The following EBF1 variants were observed in gnomAD, a reference collection of about 807,000 sequenced individuals.
EBF1 encodes EBF transcription factor 1.
Under a neutral mutation model 68.4 loss-of-function variants are expected in EBF1, and 10 were observed. That is an observed-to-expected ratio of 0.15 (90% CI 0.09 to 0.25). The LOEUF (loss-of-function observed/expected upper bound fraction) is 0.25. EBF1 is among the 10% of genes least tolerant of loss of function. The pLI is 1.00. For missense variants in EBF1, 509 were observed against 794.4 expected (o/e 0.64, Z 4.32); for synonymous variants, 298 against 299.8 (o/e 0.99, Z 0.06).
In EBF1 at chr5:158,698,593, A is replaced by C. The variant is rs1279529155; in HGVS notation, c.*518T>G. ...CTTTAAGGCGCAAAAGCCGACCCTT[A>C]GTTTTTCTAAAAAATCTAACTGGCA... On this transcript the variant is annotated 3_prime_UTR_variant, in exon 16 of 16. Coordinates refer to ENST00000313708, the MANE Select transcript of EBF1 (RefSeq NM_024007.5). 1 of 211,752 alleles carries C rather than the reference A, an allele frequency of 4.7e-6. No homozygotes were observed. Among genetic ancestry groups the C allele is most frequent in the Non-Finnish European group, 9.5e-6 (1 of 105,522 alleles). 13.1% of individuals were successfully genotyped at this position (211,752 alleles called of 1,614,324 possible).
At chr5:158,947,723 G>A (rs1205728946) in intron 6 of EBF1, among the ~76,000 whole-genome samples, 1 of 152,182 alleles carries the variant, frequency 6.6e-6, no homozygotes, top group Non-Finnish European at 1.5e-5. Context: ...GAACACAGAG[G>A]GATAGCAGCC....
chr5:158,983,452 T>C (rs1758316959), intron 6 of EBF1: 1 of 152,184 alleles, frequency 6.6e-6, no homozygotes, highest in South Asian at 2.1e-4. Flanking sequence ...TGGTGGAATG[T>C]TGTCTAGAGT....
intron 6 of EBF1, among the ~76,000 whole-genome samples, chr5:158,866,650 C>T (rs757501397): frequency 7.3e-5 from 11 of 151,694 alleles, no homozygotes; most frequent in Non-Finnish European, 7.4e-5. Flanking sequence ...TAATAAGTCA[C>T]TCAGTGCCTA....
intron 6 of EBF1, among the ~76,000 whole-genome samples, chr5:158,852,152 T>C (rs1197898495): frequency 7.6e-6 from 1 of 132,226 alleles, no homozygotes; most frequent in Non-Finnish European, 1.7e-5. Flanking sequence ...GGAAAATAAA[T>C]AAACTCACTT....
intron 7 of EBF1, among the ~76,000 whole-genome samples, chr5:158,833,177 G>T (rs756174725): frequency 2.6e-5 from 4 of 151,510 alleles, no homozygotes; most frequent in Non-Finnish European, 5.9e-5. Flanking sequence ...GTGGTGGTGC[G>T]TGACTGTAGT....
At chr5:158,814,135 C>T (rs373952462) in intron 8 of EBF1, among the ~76,000 whole-genome samples, 10 of 152,148 alleles carry the variant, frequency 6.6e-5, no homozygotes, top group African/African-American at 2.2e-4. Context: ...TGCTTAAGCC[C>T]GGGCATTGAA....
chr5:159,026,912 G>C (rs536166105), intron 6 of EBF1, among the ~76,000 whole-genome samples: 3 of 152,100 alleles, frequency 2.0e-5, no homozygotes, highest in South Asian at 2.1e-4. Flanking sequence ...TTCCCACTTG[G>C]GGGGAATCAA....
intron 9 of EBF1, among the ~76,000 whole-genome samples, chr5:158,787,695 G>A (rs1302396483): frequency 2.0e-5 from 3 of 152,270 alleles, no homozygotes; most frequent in Non-Finnish European, 4.4e-5. Context: ...TCCTTATTGG[G>A]GAAAGGGGGA....
intron 6 of EBF1, among the ~76,000 whole-genome samples, chr5:158,924,793 T>C (rs1459079369): frequency 4.7e-5 from 6 of 128,234 alleles, no homozygotes; most frequent in South Asian, 2.4e-4. Context: ...GCGCAGCTTG[T>C]GGTGAGCCGA....
At chr5:158,783,517 T>C (rs1014229222) in intron 9 of EBF1, among the ~76,000 whole-genome samples, 2 of 152,322 alleles carry the variant, frequency 1.3e-5, no homozygotes, top group East Asian at 1.9e-4. Flanking sequence ...TATGTGGCAG[T>C]AAGATGAAAC....
intron 6 of EBF1, among the ~76,000 whole-genome samples, chr5:159,019,650 C>T (rs1175408258): frequency 6.6e-6 from 1 of 152,270 alleles, no homozygotes; most frequent in East Asian, 1.9e-4. Context: ...TCAAAGATTG[C>T]AAAGATTCTC....
chr5:159,052,944 C>T (rs1774075210), intron 6 of EBF1, among the ~76,000 whole-genome samples: 1 of 152,196 alleles, frequency 6.6e-6, no homozygotes, highest in Non-Finnish European at 1.5e-5. Flanking sequence ...GCCTTTCTTC[C>T]ATCTTTAAAA....
chr5:158,913,038 G>A (rs1022164046), intron 6 of EBF1, among the ~76,000 whole-genome samples: 1 of 152,122 alleles, frequency 6.6e-6, no homozygotes, highest in Non-Finnish European at 1.5e-5. Flanking sequence ...TTTCTGCAGA[G>A]GAATTCATCA....
At chr5:158,882,110 C>A (rs778866729) in intron 6 of EBF1, among the ~76,000 whole-genome samples, 6 of 152,166 alleles carry the variant, frequency 3.9e-5, no homozygotes, top group Non-Finnish European at 5.9e-5. Context: ...ATTACTATTT[C>A]ACAGTTCAGC....
intron 6 of EBF1, among the ~76,000 whole-genome samples, chr5:158,894,811 T>C (rs988224144): frequency 1.3e-5 from 2 of 152,176 alleles, no homozygotes; most frequent in African/African-American, 2.4e-5. Context: ...AACAATCAGA[T>C]GGGCCAGTGC....
At chr5:159,091,210 T>C (rs1045668985) in intron 4 of EBF1, among the ~76,000 whole-genome samples, 5 of 152,204 alleles carry the variant, frequency 3.3e-5, no homozygotes, top group Non-Finnish European at 7.4e-5. Flanking sequence ...CAAATGGCTG[T>C]ATATTATCCA....
intron 6 of EBF1, among the ~76,000 whole-genome samples, chr5:158,869,589 ACAC>A (rs1345431890): frequency 2.7e-5 from 4 of 147,760 alleles, no homozygotes; most frequent in Non-Finnish European, 6.0e-5. Context: ...ACACACACAC[ACAC>A]ACACACACAC....
chr5:159,064,507 T>C (rs1194225356), intron 6 of EBF1, among the ~76,000 whole-genome samples: 1 of 152,180 alleles, frequency 6.6e-6, no homozygotes. Flanking sequence ...AAGAGAATTT[T>C]CTGAGATGGT....
intron 10 of EBF1, among the ~76,000 whole-genome samples, chr5:158,746,995 A>G (rs1767732749): frequency 6.6e-6 from 1 of 152,220 alleles, no homozygotes; most frequent in African/African-American, 2.4e-5. Flanking sequence ...CATTCTTCTA[A>G]GTCTCCCTTC....
Sources: allele counts gnomAD v4.1 joint callset (sites outside exome capture counted in the v4.1 genomes callset), GRCh38; gene constraint gnomAD v4.1.1; transcripts MANE v1.5; gene names NCBI Gene and HGNC (gene_info 2026-07-23, HGNC 2026-07-21).